The following LANCL3 variants were observed in gnomAD, a reference collection of about 807,000 sequenced individuals.
The protein encoded by LANCL3 is lanC-like protein 3.
A neutral mutation model predicts 26.5 loss-of-function variants in LANCL3; 19 were observed. The ratio of observed to expected loss-of-function variants is 0.72; its 90% CI spans 0.50 to 1.05. The LOEUF (loss-of-function observed/expected upper bound fraction) is 1.05. Ranked by LOEUF, LANCL3 falls within the 50% of genes least tolerant of loss-of-function variation. The probability of loss-of-function intolerance (pLI) is 0.00; values close to 1 mark genes in which losing one functional copy is unlikely to be tolerated. For missense variants in LANCL3, 318 were observed against 362.7 expected, an observed-to-expected ratio of 0.88 and a Z score of 1.00; for synonymous variants, 160 against 166.6, an observed-to-expected ratio of 0.96 and a Z score of 0.30.
chrX:37,675,588 A>C, intron 4 of LANCL3, 66 bp from the exon 5 acceptor site: 8 of 610,865 alleles, frequency 1.3e-5, no homozygotes. Flanking sequence ...AAGAGGAAGA[A>C]GCAACCCAAG....
intron 1 of LANCL3, among the ~76,000 whole-genome samples, chrX:37,577,661 T>C (rs3126462): frequency 1.8e-5 from 2 of 112,675 alleles, no homozygotes; most frequent in East Asian, 2.8e-4. Context: ...AAGTACCTAG[T>C]ACAGTGCTTG....
intron 2 of LANCL3, among the ~76,000 whole-genome samples, chrX:37,657,746 C>A (rs1926321229): frequency 9.1e-6 from 1 of 110,295 alleles, no homozygotes; most frequent in African/African-American, 3.3e-5. Flanking sequence ...GAAAAGCAAG[C>A]TTTTTTTCCC....
intron 1 of LANCL3, among the ~76,000 whole-genome samples, chrX:37,649,155 G>A (rs1383277278): frequency 1.8e-5 from 2 of 112,011 alleles, no homozygotes; most frequent in African/African-American, 6.5e-5. Context: ...ACATGCACAT[G>A]TATGTTTATT....
chrX:37,593,989 C>T (rs1556419254), intron 1 of LANCL3, among the ~76,000 whole-genome samples: 2 of 111,671 alleles, frequency 1.8e-5, no homozygotes, highest in African/African-American at 3.2e-5. Flanking sequence ...TCAAATCTTC[C>T]TATGGCTTTA....
At chrX:37,584,976 C>T (rs1470545519) in intron 1 of LANCL3, among the ~76,000 whole-genome samples, 1 of 111,657 alleles carries the variant, frequency 9.0e-6, no homozygotes, top group South Asian at 3.8e-4. Flanking sequence ...AAATGTGTCC[C>T]AGAGATTCTG....
rs1271200240 is a variant in LANCL3 at position 37,678,054 on chromosome X, A to G, written c.*2241A>G. On this transcript the variant is annotated 3_prime_UTR_variant, in exon 5 of 5. Transcript: ENST00000378619. ...CCTATCTGCCCTTTTAAGTTCTGAT[A>G]GGTCTGATGATGATGTGCTAACCAT... The G allele has an allele frequency of 8.9e-6, 1 of 112,008 alleles. No individual in the cohort carries two copies. Among genetic ancestry groups the G allele is most frequent in the Non-Finnish European group, 1.9e-5 (1 of 53,087 alleles). 9.2% of individuals were successfully genotyped at this position (112,008 alleles called of 1,213,427 possible). A position where few individuals can be genotyped will look rare whatever the true frequency, so the allele number is the denominator to read the frequency against.
intron 1 of LANCL3, among the ~76,000 whole-genome samples, chrX:37,619,106 T>C (rs1385612746): frequency 9.0e-6 from 1 of 111,392 alleles, no homozygotes; most frequent in Non-Finnish European, 1.9e-5. Flanking sequence ...TAGAATAATG[T>C]TTGAAAATAA....
At chrX:37,640,011 A>G (rs969470714) in intron 1 of LANCL3, among the ~76,000 whole-genome samples, 1 of 112,231 alleles carries the variant, frequency 8.9e-6, no homozygotes, top group Admixed American at 9.5e-5. Context: ...AGGTGACGGT[A>G]CACAATTCAC....
intron 1 of LANCL3, among the ~76,000 whole-genome samples, chrX:37,576,227 A>T (rs1371384509): frequency 1.8e-5 from 2 of 111,650 alleles, no homozygotes; most frequent in Non-Finnish European, 3.8e-5. Flanking sequence ...TATAAGAAAA[A>T]GATGTATGTG....
At chrX:37,624,959 C>T (rs1925274557) in intron 1 of LANCL3, among the ~76,000 whole-genome samples, 1 of 111,707 alleles carries the variant, frequency 9.0e-6, no homozygotes, top group Admixed American at 9.5e-5. Flanking sequence ...TTTCATGGCA[C>T]CCCCTTGTGA....
At position 37,655,783 on chromosome X, in the gene LANCL3, G is replaced by A. The variant is rs782355578; in HGVS notation, c.669G>A (p.Met223Ile). 8.3e-7 allele frequency: 1 copy of A among 1,206,349 alleles called. No homozygotes were observed. The highest frequency in any genetic ancestry group is 3.0e-5 in the East Asian group (1 of 33,781). ...AIKKRKPFPL[M>I]YSYYGTEYLG... ...AGAAGAGGAAACCATTCCCCCTGAT[G>A]TATTCTTACTATGGAACCGAATACT... Residue 223 changes from methionine (M) to isoleucine (I), a missense_variant, in exon 2 of 5, where the codon ATG becomes ATA. Transcript: ENST00000378619.
At chrX:37,599,322 C>T (rs1217055950) in intron 1 of LANCL3, among the ~76,000 whole-genome samples, 1 of 112,402 alleles carries the variant, frequency 8.9e-6, no homozygotes, top group Non-Finnish European at 1.9e-5. Flanking sequence ...AGTTTGAATA[C>T]TATTGATCCT....
intron 2 of LANCL3, among the ~76,000 whole-genome samples, chrX:37,657,232 C>T (rs1556431192): frequency 8.9e-6 from 1 of 112,908 alleles, no homozygotes; most frequent in Non-Finnish European, 1.9e-5. Flanking sequence ...CAGAGAAAGC[C>T]TCAGGCAAAA....
chrX:37,671,444 G>T (rs1295013779), intron 4 of LANCL3, among the ~76,000 whole-genome samples: 2 of 111,344 alleles, frequency 1.8e-5, no homozygotes, highest in Non-Finnish European at 3.8e-5. Context: ...ACACTTCTCT[G>T]TTCAGTGTAA....
intron 1 of LANCL3, among the ~76,000 whole-genome samples, chrX:37,611,960 G>C (rs1253733074): frequency 9.2e-6 from 1 of 108,656 alleles, no homozygotes; most frequent in Non-Finnish European, 1.9e-5. Context: ...TTTTGAGTTG[G>C]AGTTTCGCTC....
At chrX:37,577,981 A>G (rs1398167422) in intron 1 of LANCL3, among the ~76,000 whole-genome samples, 1 of 111,834 alleles carries the variant, frequency 8.9e-6, no homozygotes, top group Non-Finnish European at 1.9e-5. Flanking sequence ...GGAGTGGAAA[A>G]CTAGGCCACT....
At chrX:37,610,888 C>T (rs948916163) in intron 1 of LANCL3, among the ~76,000 whole-genome samples, 6 of 111,834 alleles carry the variant, frequency 5.4e-5, no homozygotes, top group Admixed American at 2.8e-4. Context: ...AAGTACATCC[C>T]GAGACAAGGA....
chrX:37,664,912 G>T (rs1372316577), intron 3 of LANCL3, among the ~76,000 whole-genome samples: 6 of 111,546 alleles, frequency 5.4e-5, no homozygotes, highest in African/African-American at 2.0e-4. Context: ...TGGCTGCATA[G>T]TATTCCATGG....
At position 37,681,923 on chromosome X, in the gene LANCL3, C is replaced by T. The variant is rs1926942712; in HGVS notation, c.*6110C>T. The T allele has an allele frequency of 9.0e-6, 1 of 111,119 alleles. No homozygotes were observed. The highest frequency in any genetic ancestry group is 3.3e-5 in the African/African-American group (1 of 30,539). 9.2% of individuals were successfully genotyped at this position (111,119 alleles called of 1,213,427 possible). ...AGTCTTGCACTTGGACATAGATCTT[C>T]AGAAAGTACCAAAATATATACCTTC... On this transcript the variant is annotated 3_prime_UTR_variant, in exon 5 of 5. Coordinates refer to ENST00000378619, the MANE Select transcript of LANCL3 (RefSeq NM_001170331.2).
Sources: allele counts gnomAD v4.1 joint callset (sites outside exome capture counted in the v4.1 genomes callset), GRCh38; gene constraint gnomAD v4.1.1; transcripts MANE v1.5; gene names NCBI Gene and HGNC (gene_info 2026-07-23, HGNC 2026-07-21).